Variants in PMFBP1 observed in about 807,000 individuals in gnomAD.
The protein encoded by PMFBP1 is polyamine modulated factor 1 binding protein 1.
In PMFBP1, 131 loss-of-function variants were observed where a neutral mutation model predicts 137.8. The ratio of observed to expected loss-of-function variants is 0.95; its 90% CI spans 0.82 to 1.10. PMFBP1 has a LOEUF of 1.10. Among genes scored for constraint, PMFBP1 ranks in the 50% least tolerant of loss-of-function variants. The pLI, the probability that PMFBP1 is intolerant of heterozygous loss-of-function variation, is 0.00. For synonymous variants in PMFBP1, 490 were observed against 450.4 expected (o/e 1.09, Z -1.11); for missense variants, 1,199 against 1,175.4 (o/e 1.02, Z -0.29).
intron 5 of PMFBP1, among the ~76,000 whole-genome samples, chr16:72,145,929 C>T (rs2042798876): frequency 6.6e-6 from 1 of 152,152 alleles, no homozygotes; most frequent in Non-Finnish European, 1.5e-5. Context: ...GACGAATTCA[C>T]AACTGAATTC....
At chr16:72,148,618 T>C (rs1319700863) in intron 5 of PMFBP1, among the ~76,000 whole-genome samples, 6 of 152,142 alleles carry the variant, frequency 3.9e-5, no homozygotes. Context: ...ATTTGCCACA[T>C]ATGTAATGAA....
At chr16:72,202,301 C>A in the PMFBP1 span, among the ~76,000 whole-genome samples, 1 of 152,216 alleles carries the variant, frequency 6.6e-6, no homozygotes, top group Non-Finnish European at 1.5e-5. Context: ...ATCATTCCAG[C>A]TGGCATCCTT....
chr16:72,188,157 A>G, the PMFBP1 span, among the ~76,000 whole-genome samples: 4 of 152,266 alleles, frequency 2.6e-5, no homozygotes, highest in African/African-American at 9.6e-5. Flanking sequence ...CTTGTTATGC[A>G]GTGAAATCTT....
the PMFBP1 span, among the ~76,000 whole-genome samples, chr16:72,201,177 G>C: frequency 0.29 from 44,741 of 152,074 alleles, 6,862 homozygotes; most frequent in South Asian, 0.46. Flanking sequence ...TACTTTAACA[G>C]TGACCTGGAG....
chr16:72,157,259 G>A (rs760372716), intron 3 of PMFBP1, among the ~76,000 whole-genome samples: 12 of 150,968 alleles, frequency 7.9e-5, no homozygotes, highest in African/African-American at 1.5e-4. Flanking sequence ...TATGGGGAGA[G>A]CGAAAACTAA....
the PMFBP1 span, among the ~76,000 whole-genome samples, chr16:72,227,743 A>G: frequency 2.6e-5 from 4 of 152,162 alleles, no homozygotes; most frequent in Non-Finnish European, 5.9e-5. Context: ...ACCAGCTACT[A>G]ATCCTCATTA....
At chr16:72,222,035 C>A in the PMFBP1 span, among the ~76,000 whole-genome samples, 1 of 152,172 alleles carries the variant, frequency 6.6e-6, no homozygotes, top group Non-Finnish European at 1.5e-5. Flanking sequence ...AACCATTTTA[C>A]AAGATGTTGA....
the PMFBP1 span, among the ~76,000 whole-genome samples, chr16:72,205,250 C>T: frequency 6.6e-6 from 1 of 152,262 alleles, no homozygotes; most frequent in African/African-American, 2.4e-5. Flanking sequence ...CTGCTTCTTG[C>T]ACTCCAAAGC....
chr16:72,148,368 C>T (rs1310526188), intron 5 of PMFBP1, among the ~76,000 whole-genome samples: 10 of 10,978 alleles, frequency 9.1e-4, no homozygotes, highest in African/African-American at 3.2e-3. Context: ...GGGGGCCTGT[C>T]GGGGGGTGGG....
chr16:72,130,882 A>C (rs1188103038), intron 10 of PMFBP1, among the ~76,000 whole-genome samples, 160 bp from the exon 11 acceptor site: 1 of 152,124 alleles, frequency 6.6e-6, no homozygotes, highest in Non-Finnish European at 1.5e-5. Flanking sequence ...AAAGAGCTCT[A>C]TTAAATTATC....
intron 2 of PMFBP1, among the ~76,000 whole-genome samples, chr16:72,167,088 G>A (rs1175457222): frequency 6.6e-6 from 1 of 152,166 alleles, no homozygotes; most frequent in Non-Finnish European, 1.5e-5. Flanking sequence ...CATTCCCAGA[G>A]GAACTGGAGA....
intron 5 of PMFBP1, among the ~76,000 whole-genome samples, chr16:72,149,424 A>C (rs537214859): frequency 6.6e-6 from 1 of 152,370 alleles, no homozygotes; most frequent in African/African-American, 2.4e-5. Context: ...AAAAGAAATA[A>C]GGAAGTTAAT....
At chr16:72,195,428 C>T in the PMFBP1 span, among the ~76,000 whole-genome samples, 1 of 152,166 alleles carries the variant, frequency 6.6e-6, no homozygotes, top group Non-Finnish European at 1.5e-5. Context: ...GCACTTCTAA[C>T]ACCATCTCAG....
At chr16:72,129,819 T>C (rs1055667662) in intron 12 of PMFBP1, among the ~76,000 whole-genome samples, 1 of 152,154 alleles carries the variant, frequency 6.6e-6, no homozygotes, top group African/African-American at 2.4e-5. Flanking sequence ...GGTGGTGATA[T>C]CTTTCCCAAA....
At chr16:72,224,244 T>C in the PMFBP1 span, among the ~76,000 whole-genome samples, 1 of 152,154 alleles carries the variant, frequency 6.6e-6, no homozygotes, top group Non-Finnish European at 1.5e-5. Flanking sequence ...CATCTCTCTT[T>C]TCCATCCCAC....
At chr16:72,211,086 A>C in the PMFBP1 span, among the ~76,000 whole-genome samples, 1 of 152,198 alleles carries the variant, frequency 6.6e-6, no homozygotes, top group African/African-American at 2.4e-5. Context: ...GAGATTCTAC[A>C]ATGCACTTAA....
chr16:72,232,913 C>A, the PMFBP1 span, among the ~76,000 whole-genome samples: 1 of 152,002 alleles, frequency 6.6e-6, no homozygotes, highest in Non-Finnish European at 1.5e-5. Context: ...GACATGTATA[C>A]AAATGATTGC....
chr16:72,121,435 A>G (rs2042375877), intron 19 of PMFBP1, among the ~76,000 whole-genome samples: 1 of 152,160 alleles, frequency 6.6e-6, no homozygotes, highest in Non-Finnish European at 1.5e-5. Flanking sequence ...TGGCCTCCTT[A>G]TTCCAAAGGT....
the PMFBP1 span, among the ~76,000 whole-genome samples, chr16:72,249,320 C>T: frequency 0.063 from 9,384 of 148,564 alleles, 354 homozygotes; most frequent in Non-Finnish European, 0.088. Context: ...GTGAAGCAGG[C>T]GAATGTATGG....
Sources: allele counts gnomAD v4.1 joint callset (sites outside exome capture counted in the v4.1 genomes callset), GRCh38; gene constraint gnomAD v4.1.1; transcripts MANE v1.5; gene names NCBI Gene and HGNC (gene_info 2026-07-23, HGNC 2026-07-21).